The following CTCFL variants were observed in gnomAD, a reference collection of about 807,000 sequenced individuals.
CTCFL encodes the protein transcriptional repressor CTCFL.
In CTCFL, 36 loss-of-function variants were observed where a neutral mutation model predicts 67.4. The observed-to-expected ratio is 0.53, with a 90% CI of 0.41 to 0.71. The LOEUF (loss-of-function observed/expected upper bound fraction) is 0.71. CTCFL is among the 30% of genes least tolerant of loss of function. The pLI, the probability that CTCFL is intolerant of heterozygous loss-of-function variation, is 0.00. For synonymous variants in CTCFL, 324 were observed against 302.3 expected (o/e 1.07, Z -0.75); for missense variants, 786 against 835.2 (o/e 0.94, Z 0.73).
rs2067735918 is a variant in CTCFL, at chr20:57,497,239, C to T, written c.*1311G>A. The T allele has an allele frequency of 4.1e-6, 4 of 969,362 alleles. No individual in the cohort carries two copies. The highest frequency in any genetic ancestry group is 4.9e-6 in the Non-Finnish European group (4 of 815,460). The allele number at this position is 969,362 out of a possible 1,614,324, so 60.0% of individuals were successfully genotyped here. A position where few individuals can be genotyped will look rare whatever the true frequency, so the allele number is the denominator to read the frequency against. ...AAATAACAGTAAAAAAATTAAGAAA[C>T]CATTGCACAAATTCAGTCACAATGA... On this transcript the variant is annotated 3_prime_UTR_variant, in exon 11 of 11. Coordinates refer to ENST00000243914, the MANE Select transcript of CTCFL (RefSeq NM_001386993.1).
downstream of CTCFL, chr20:57,496,044 A>G (rs1306355558): frequency 3.3e-5 from 13 of 396,318 alleles, no homozygotes; most frequent in Non-Finnish European, 4.9e-5. Context: ...TATAGTTTGG[A>G]TATTTGTCCC....
At position 57,508,764 on chromosome 20, in the gene CTCFL, G is replaced by A. The variant is rs781496791; in HGVS notation, c.1516C>T (p.Arg506Cys). ...AATGGTTTCTCTCCAGTGTGGGTACGAATGTGAGCGGTCATATGACGTTCC... is the reference window on the plus strand; with the variant it reads ...AATGGTTTCTCTCCAGTGTGGGTACAAATGTGAGCGGTCATATGACGTTCC... ...KQERHMTAHI[R>C]THTGEKPFTC... is the part of the protein sequence containing the mutation. The change falls in exon 9 of 11, where the codon CGT (arginine) becomes TGT (cysteine). Residue 506 changes from arginine (R) to cysteine (C), a missense_variant. By Grantham distance (180) the Arg-to-Cys change is radical. This residue lies in a region of CTCFL where 199 missense variants were observed against 196.7 expected (regional missense o/e 1.01). Transcript: ENST00000243914. The A allele has an allele frequency of 2.4e-5, 38 of 1,614,076 alleles. No individual in the cohort carries two copies. In the Admixed American group the frequency reaches 2.7e-4, roughly 11 times the overall value.
chr20:57,522,918 A>G (rs1299586827), intron 3 of CTCFL, 150 bp downstream of exon 3: 9 of 650,854 alleles, frequency 1.4e-5, no homozygotes, highest in Admixed American at 3.1e-5. Flanking sequence ...TTGATTCACA[A>G]TACAGAACAT....
intron 10 of CTCFL, chr20:57,499,964 C>A: frequency 1.0e-6 from 1 of 986,852 alleles, no homozygotes; most frequent in Non-Finnish European, 1.2e-6. Flanking sequence ...GGTTGGGGAG[C>A]CCTGCTCTAC....
chr20:57,511,048 T>C (rs906336683), intron 8 of CTCFL, among the ~76,000 whole-genome samples: 2 of 152,088 alleles, frequency 1.3e-5, no homozygotes, highest in Non-Finnish European at 2.9e-5. Context: ...ATTCAGTTAG[T>C]AGTAATTTCT....
intron 10 of CTCFL, among the ~76,000 whole-genome samples, chr20:57,501,885 C>T (rs763119855): frequency 6.6e-6 from 1 of 152,222 alleles, no homozygotes; most frequent in Non-Finnish European, 1.5e-5. Flanking sequence ...GGGCTCTGGG[C>T]ACCTGGGCAG....
At chr20:57,508,324 T>C (rs1259202677) in intron 9 of CTCFL, among the ~76,000 whole-genome samples, 1 of 151,942 alleles carries the variant, frequency 6.6e-6, no homozygotes. Context: ...CACTAAAAGG[T>C]GGGGTTCTTT....
intron 10 of CTCFL, chr20:57,500,294 A>ATTTT: frequency 1.4e-6 from 1 of 731,166 alleles, no homozygotes; most frequent in Non-Finnish European, 1.9e-6. Flanking sequence ...TCTACTAAAA[A>ATTTT]TAATAGAACA....
chr20:57,519,791 C>T (rs1014343996), intron 3 of CTCFL, among the ~76,000 whole-genome samples: 24 of 152,152 alleles, frequency 1.6e-4, no homozygotes, highest in African/African-American at 5.3e-4. Flanking sequence ...ATAACCCGCC[C>T]CATCTCTGCA....
At chr20:57,513,823 T>C (rs1406938419) in intron 7 of CTCFL, 1 of 1,288,518 alleles carries the variant, frequency 7.8e-7, no homozygotes, top group African/African-American at 1.5e-5. Context: ...CACAGTGTCA[T>C]ATATTTTGGA....
chr20:57,498,242 T>C lies in CTCFL; in HGVS notation c.*308A>G. 1 of 1,035,778 alleles carries C rather than the reference T, an allele frequency of 9.7e-7. No homozygotes were observed. The highest frequency in any genetic ancestry group is 1.2e-6 in the Non-Finnish European group (1 of 861,768). The allele number at this position is 1,035,778 out of a possible 1,614,324, so 64.2% of individuals were successfully genotyped here. A position where few individuals can be genotyped will look rare whatever the true frequency, so the allele number is the denominator to read the frequency against. On this transcript the variant is annotated 3_prime_UTR_variant, in exon 11 of 11. Coordinates refer to ENST00000243914, the MANE Select transcript of CTCFL (RefSeq NM_001386993.1). ...GAATGAATCCATAGGTTTGAGGTGT[T>C]ACCCTCTCATTCAAGGTTTAAAACT... is the stretch of plus-strand genomic sequence containing the variant.
At chr20:57,513,218 A>AT in intron 7 of CTCFL, 1 of 979,024 alleles carries the variant, frequency 1.0e-6, no homozygotes, top group Non-Finnish European at 1.2e-6. Context: ...ATAAAAAGAT[A>AT]TAATATCTTT....
At position 57,523,217 on chromosome 20, in the gene CTCFL, A is replaced by T; in HGVS notation, c.605T>A (p.Phe202Tyr). 1 of 1,614,060 alleles carries T rather than the reference A, an allele frequency of 6.2e-7. No homozygotes were observed. The highest frequency in any genetic ancestry group is 1.1e-5 in the South Asian group (1 of 91,078). ...TTCATCTCCTGACATTGTTTCCACAAAAAAGAGCTGCTCCTTTGTTCTTTC... is the reference window on the plus strand; with the variant it reads ...TTCATCTCCTGACATTGTTTCCACATAAAAGAGCTGCTCCTTTGTTCTTTC... ...LAERTKEQLF[F>Y]VETMSGDERS... The change falls in exon 3 of 11, where the codon TTT (phenylalanine) becomes TAT (tyrosine). Residue 202 changes from phenylalanine (F) to tyrosine (Y), a missense_variant. Phe to Tyr is a conservative substitution (Grantham distance 22, BLOSUM62 3). This residue lies in a region of CTCFL where 333 missense variants were observed against 304.6 expected (regional missense o/e 1.09). Coordinates refer to ENST00000243914, the MANE Select transcript of CTCFL (RefSeq NM_001386993.1).
rs11475885 is a variant in CTCFL, at chr20:57,499,073, C to CGG, written c.1841-374_1841-373dup. Among the ~76,000 whole-genome samples the CGG allele has an allele frequency of 4.1e-3, 270 of 65,414 alleles. 4 individuals are homozygous for CGG. The highest frequency in any genetic ancestry group is 7.1e-3 in the South Asian group (9 of 1,270). 42.9% of individuals were successfully genotyped at this position (65,414 alleles called of 152,430 possible). A position where few individuals can be genotyped will look rare whatever the true frequency, so the allele number is the denominator to read the frequency against. ...CATTGCCAGTGTCCCCTGAAGGTGA[C>CGG]GGGGGGGGGGTGGGGGGGGGACACA... On this transcript the variant is annotated intron_variant, in intron 10 of 10. Transcript: ENST00000243914.
intron 10 of CTCFL, 77 bp from the exon 11 acceptor site, chr20:57,498,778 T>C (rs560084635): frequency 1.5e-6 from 2 of 1,352,306 alleles, no homozygotes; most frequent in Admixed American, 2.1e-5. Flanking sequence ...CAAATATATT[T>C]TGGAAACCAT....
Position 57,523,130 on chromosome 20 carries a change from G to T in CTCFL, c.692C>A (p.Pro231His). 6.2e-7 allele frequency: 1 copy of T among 1,613,928 alleles called. No homozygotes were observed. The highest frequency in any genetic ancestry group is 8.5e-7 in the Non-Finnish European group (1 of 1,180,002). Reference sequence around the variant, plus strand: ...TTCAGCATCTGCTTGACCAGCTGTAGGTTGATCCTCTTGTTCTTCCACATT... The same window carrying T: ...TTCAGCATCTGCTTGACCAGCTGTATGTTGATCCTCTTGTTCTTCCACATT... The part of the protein sequence containing the change: ...NSNVEEQEDQ[P>H]TAGQADAEKA... The change falls in exon 3 of 11, where the codon CCT becomes CAT. Residue 231 changes from proline to histidine, a missense_variant. By Grantham distance (77) the Pro-to-His change is moderately conservative. Transcript: ENST00000243914.
intron 10 of CTCFL, among the ~76,000 whole-genome samples, chr20:57,502,155 C>A (rs2067950540): frequency 6.6e-6 from 1 of 152,330 alleles, no homozygotes. Context: ...CTGTGTGACG[C>A]AGGCATGGGA....
In CTCFL at chr20:57,503,474, T is replaced by C; in HGVS notation, c.1802A>G (p.Glu601Gly). Reference protein sequence around the residue: ...ILKEATKGQKEAAKGWKEAAN... With the variant: ...ILKEATKGQKGAAKGWKEAAN... ...GGCTTCCTTCCATCCCTTCGCAGCT[T>C]CCTTCTGACCCTTTGTGGCTTCCTT... The change falls in exon 10 of 11, where the codon GAA becomes GGA. Residue 601 changes from glutamate (E) to glycine (G), a missense_variant. Transcript: ENST00000243914. 6.2e-7 allele frequency: 1 copy of C among 1,614,212 alleles called. No homozygotes were observed. The highest frequency in any genetic ancestry group is 8.5e-7 in the Non-Finnish European group (1 of 1,180,030).
At chr20:57,518,481 A>C in intron 5 of CTCFL, 1 of 1,385,978 alleles carries the variant, frequency 7.2e-7, no homozygotes, top group Non-Finnish European at 9.4e-7. Context: ...AGAACTTTTA[A>C]ACAAATCTGG....
Sources: allele counts gnomAD v4.1 joint callset (sites outside exome capture counted in the v4.1 genomes callset), GRCh38; gene constraint gnomAD v4.1.1; regional missense constraint gnomAD v4.1.1; transcripts MANE v1.5; gene names NCBI Gene and HGNC (gene_info 2026-07-23, HGNC 2026-07-21).